KITLG: variants seen among roughly 807,000 people sequenced by gnomAD.
KITLG encodes KIT ligand.
A neutral mutation model predicts 34.1 loss-of-function variants in KITLG; 13 were observed. The observed-to-expected ratio is 0.38, with a 90% CI of 0.25 to 0.61. The LOEUF (loss-of-function observed/expected upper bound fraction) is 0.61, where lower values mean the gene tolerates loss of function less well. Among genes scored for constraint, KITLG ranks in the 20% least tolerant of loss-of-function variants. The probability of loss-of-function intolerance (pLI) is 0.60; values close to 1 mark genes in which losing one functional copy is unlikely to be tolerated. For missense variants in KITLG, 292 were observed against 318.9 expected (o/e 0.92, Z 0.64); for synonymous variants, 110 against 104.0 (o/e 1.06, Z -0.35).
intron 9 of KITLG, among the ~76,000 whole-genome samples, chr12:88,502,981 G>GT (rs1444045736): frequency 6.6e-6 from 1 of 152,072 alleles, no homozygotes; most frequent in Non-Finnish European, 1.5e-5. Context: ...AAAAAGCATG[G>GT]TTTCAGCTTG....
rs1044422706 is a variant in KITLG at position 88,492,804 on chromosome 12, A to T, written c.*4415T>A. 1 of 152,416 alleles carries T rather than the reference A, an allele frequency of 6.6e-6. No individual in the cohort carries two copies. The highest frequency in any genetic ancestry group is 1.5e-5 in the Non-Finnish European group (1 of 67,938). The allele number at this position is 152,416 out of a possible 1,614,324, so 9.4% of individuals were successfully genotyped here. On this transcript the variant is annotated 3_prime_UTR_variant, in exon 10 of 10. Coordinates refer to ENST00000644744, the MANE Select transcript of KITLG (RefSeq NM_000899.5). ...ACAGGGTAAATTTATGAGAGTGCAT[A>T]AAATTCTTTATTTAGAACAATAAAG...
At chr12:88,534,347 CT>C (rs1870222779) in intron 2 of KITLG, among the ~76,000 whole-genome samples, 1 of 152,048 alleles carries the variant, frequency 6.6e-6, no homozygotes, top group South Asian at 2.1e-4. Flanking sequence ...TCATACCACC[CT>C]AAATAAAATA....
In KITLG at chr12:88,492,845, T is replaced by C. The variant is rs2120762832; in HGVS notation, c.*4374A>G. The C allele has an allele frequency of 6.6e-6, 1 of 152,516 alleles. No homozygotes were observed. The highest frequency in any genetic ancestry group is 1.9e-4 in the East Asian group (1 of 5,182). The allele number at this position is 152,516 out of a possible 1,614,324, so 9.4% of individuals were successfully genotyped here. A position where few individuals can be genotyped will look rare whatever the true frequency, so the allele number is the denominator to read the frequency against. ...AACAATAAAGTATATGTATATATCATGTAATTTTAAATTCAAACCTGTATA... is the reference window on the plus strand; with the variant it reads ...AACAATAAAGTATATGTATATATCACGTAATTTTAAATTCAAACCTGTATA... On this transcript the variant is annotated 3_prime_UTR_variant, in exon 10 of 10. Transcript: ENST00000644744.
intron 1 of KITLG, among the ~76,000 whole-genome samples, chr12:88,566,609 C>A (rs1456227852): frequency 1.3e-5 from 2 of 152,122 alleles, no homozygotes. Context: ...AAACCAAGTG[C>A]AGCAATATTG....
At chr12:88,521,895 C>G (rs1326259835) in intron 3 of KITLG, among the ~76,000 whole-genome samples, 1 of 152,076 alleles carries the variant, frequency 6.6e-6, no homozygotes, top group Non-Finnish European at 1.5e-5. Flanking sequence ...CTTTCTATCC[C>G]TATGTACTTA....
At chr12:88,503,295 A>T (rs1187691580) in intron 9 of KITLG, among the ~76,000 whole-genome samples, 1 of 152,212 alleles carries the variant, frequency 6.6e-6, no homozygotes, top group African/African-American at 2.4e-5. Flanking sequence ...ATAATTTATG[A>T]CTCAGTTCCA....
intron 1 of KITLG, 61 bp downstream of exon 1, chr12:88,580,203 C>G: frequency 6.4e-7 from 1 of 1,558,018 alleles, no homozygotes; most frequent in African/African-American, 1.4e-5. Context: ...CCGGCTTCCC[C>G]GGGGCACCGG....
intron 9 of KITLG, among the ~76,000 whole-genome samples, chr12:88,500,256 T>C (rs972272225): frequency 6.6e-6 from 1 of 152,220 alleles, no homozygotes; most frequent in African/African-American, 2.4e-5. Flanking sequence ...TTGTTAGTGA[T>C]TTCTCTCTCC....
Position 88,515,623 on chromosome 12 carries a change from T to C in KITLG, c.521-6A>G, listed in dbSNP as rs142685415. On this transcript the variant is annotated splice_region_variant and splice_polypyrimidine_tract_variant and intron_variant, in intron 5 of 9. Transcript: ENST00000644744. ...TGTGACACTGACTCTGGAATCTAAA[T>C]AGAAAGCAATAATGTGTCAGTGTTA... is the stretch of plus-strand genomic sequence containing the variant. 432 of 1,595,740 alleles carry C rather than the reference T, an allele frequency of 2.7e-4. 1 individual carries two copies. The African/African-American group carries it at 5.4e-3, about 20-fold the overall frequency.
intron 1 of KITLG, among the ~76,000 whole-genome samples, chr12:88,552,232 T>C (rs1477395931): frequency 6.6e-6 from 1 of 151,242 alleles, no homozygotes; most frequent in African/African-American, 2.4e-5. Context: ...TGGGATGCAG[T>C]GGTGCAATCT....
chr12:88,579,737 C>G (rs1871950048), intron 1 of KITLG, among the ~76,000 whole-genome samples: 1 of 151,986 alleles, frequency 6.6e-6, no homozygotes, highest in Non-Finnish European at 1.5e-5. Flanking sequence ...CCGCCGAGAG[C>G]TGCCGCTTAG....
intron 1 of KITLG, among the ~76,000 whole-genome samples, chr12:88,578,339 G>T (rs890689753): frequency 6.6e-6 from 1 of 152,096 alleles, no homozygotes; most frequent in Non-Finnish European, 1.5e-5. Flanking sequence ...TTGCCTACAA[G>T]CCGTTTAACA....
intron 1 of KITLG, among the ~76,000 whole-genome samples, chr12:88,574,047 C>T (rs1871743489): frequency 6.8e-6 from 1 of 147,794 alleles, no homozygotes; most frequent in African/African-American, 2.4e-5. Flanking sequence ...CCAAATATCC[C>T]AATAATAGCC....
At chr12:88,556,227 A>AC (rs1164233598) in intron 1 of KITLG, among the ~76,000 whole-genome samples, 6 of 151,692 alleles carry the variant, frequency 4.0e-5, no homozygotes, top group African/African-American at 7.3e-5. Context: ...GCAAAAAAAA[A>AC]AAAAAAGGCA....
At chr12:88,576,429 G>A (rs923158494) in intron 1 of KITLG, among the ~76,000 whole-genome samples, 4 of 152,130 alleles carry the variant, frequency 2.6e-5, no homozygotes, top group Non-Finnish European at 5.9e-5. Context: ...GCTTGTAAAA[G>A]TAGGCCAGCA....
At chr12:88,499,619 G>A (rs1868777511) in intron 9 of KITLG, among the ~76,000 whole-genome samples, 1 of 152,036 alleles carries the variant, frequency 6.6e-6, no homozygotes, top group Admixed American at 6.6e-5. Flanking sequence ...TTGGCCACTG[G>A]TTAGTTTCAA....
chr12:88,515,472 G>A (rs1869422001), intron 6 of KITLG, 62 bp downstream of exon 6: 4 of 994,036 alleles, frequency 4.0e-6, no homozygotes, highest in Non-Finnish European at 6.5e-6. Context: ...GAAAGCCCAT[G>A]CAATACTCCT....
At position 88,515,550 on chromosome 12, in the gene KITLG, G is replaced by C. The variant is rs1330441632; in HGVS notation, c.588C>G (p.Asp196Glu). The change falls in exon 6 of 10, where the codon GAC becomes GAG. Residue 196 changes from aspartate (D) to glutamate (E), a missense_variant. By Grantham distance (45) the Asp-to-Glu change is conservative. Around this residue, in one of 2 missense-constraint regions of KITLG, gnomAD observed 140 missense variants for 111.0 expected, o/e 1.26. Transcript: ENST00000644744. Reference sequence around the variant, plus strand: ...TGTACTTACTATTACTGCTACTGCTGTCATTCCTAAGGGAGCTGGCTGCAA... The same window carrying C: ...TGTACTTACTATTACTGCTACTGCTCTCATTCCTAAGGGAGCTGGCTGCAA... ...PPVAASSLRNDSSSSNRKAKN... is the reference protein window; with the variant it reads ...PPVAASSLRNESSSSNRKAKN... 1.9e-6 allele frequency: 3 copies of C among 1,609,074 alleles called. No homozygotes were observed. In the East Asian group the frequency reaches 6.7e-5, roughly 36 times the overall value.
chr12:88,563,683 G>A (rs1033214033), intron 1 of KITLG, among the ~76,000 whole-genome samples: 9 of 152,166 alleles, frequency 5.9e-5, no homozygotes, highest in African/African-American at 1.9e-4. Flanking sequence ...AGATGTGGCC[G>A]GGCGCAGTGG....
Sources: gnomAD v4.1 joint callset for allele counts (sites outside exome capture counted in the v4.1 genomes callset) on GRCh38, gnomAD v4.1.1 for gene constraint, gnomAD v4.1.1 regional missense constraint, MANE v1.5 for transcripts, NCBI Gene and HGNC (gene_info 2026-07-23, HGNC 2026-07-21) for gene names.